The following SLCO5A1 variants were observed in gnomAD, a reference collection of about 807,000 sequenced individuals.
SLCO5A1 encodes the protein organic anion transporter polypeptide-related protein 4.
SLCO5A1 carries 39 observed loss-of-function variants against 65.1 expected under a neutral mutation model. The observed-to-expected ratio is 0.60, with a 90% CI of 0.46 to 0.78. The LOEUF (loss-of-function observed/expected upper bound fraction) is 0.78. Among genes scored for constraint, SLCO5A1 ranks in the 30% least tolerant of loss-of-function variants. The pLI, the probability that SLCO5A1 is intolerant of heterozygous loss-of-function variation, is 0.00. For missense variants in SLCO5A1, 1,029 were observed against 1,069.4 expected, an observed-to-expected ratio of 0.96 and a Z score of 0.53; for synonymous variants, 438 against 415.7, an observed-to-expected ratio of 1.05 and a Z score of -0.65.
intron 2 of SLCO5A1, among the ~76,000 whole-genome samples, chr8:69,829,224 T>G (rs974110772): frequency 7.9e-5 from 12 of 152,188 alleles, no homozygotes; most frequent in African/African-American, 2.9e-4. Flanking sequence ...AAAAATGTTT[T>G]GTCTGAATTT....
At chr8:69,736,192 C>T (rs1018481528) in intron 5 of SLCO5A1, among the ~76,000 whole-genome samples, 15 of 152,242 alleles carry the variant, frequency 9.9e-5, no homozygotes, top group African/African-American at 3.4e-4. Context: ...CTGCACTTTC[C>T]TGGCCAAGTG....
At chr8:69,779,550 A>C (rs1231995355) in intron 2 of SLCO5A1, among the ~76,000 whole-genome samples, 1 of 152,150 alleles carries the variant, frequency 6.6e-6, no homozygotes. Context: ...TTTAATGACT[A>C]CCTTTCAGAA....
At chr8:69,788,900 C>A (rs1819146807) in intron 2 of SLCO5A1, among the ~76,000 whole-genome samples, 1 of 152,134 alleles carries the variant, frequency 6.6e-6, no homozygotes, top group Non-Finnish European at 1.5e-5. Context: ...AGGTTGAGTT[C>A]CTTCAGAAGC....
intron 6 of SLCO5A1, among the ~76,000 whole-genome samples, chr8:69,699,842 G>C (rs1814649607): frequency 6.6e-6 from 1 of 152,226 alleles, no homozygotes; most frequent in African/African-American, 2.4e-5. Flanking sequence ...TGATAGGCTG[G>C]GTGAGGTGGC....
At chr8:69,780,409 A>G (rs150383073) in intron 2 of SLCO5A1, among the ~76,000 whole-genome samples, 6 of 152,342 alleles carry the variant, frequency 3.9e-5, no homozygotes, top group African/African-American at 1.4e-4. Flanking sequence ...ACCAAAGTGC[A>G]TATCAATGGA....
rs777225774 is a variant in SLCO5A1, at chr8:69,832,031, G to T, written c.643C>A (p.Pro215Thr). ...IAFGAALFALPHFISPPYQIQ... is the reference protein window; with the variant it reads ...IAFGAALFALTHFISPPYQIQ... Reference sequence around the variant, plus strand: ...TGGTAGGGGGGCGAGATGAAGTGAGGTAAGGCGAAGAGGGCTGCCCCGAAG... The same window carrying T: ...TGGTAGGGGGGCGAGATGAAGTGAGTTAAGGCGAAGAGGGCTGCCCCGAAG... The change falls in exon 2 of 10, where the codon CCT (proline) becomes ACT (threonine). Residue 215 changes from proline (P) to threonine (T), a missense_variant. Pro to Thr is a conservative substitution (Grantham distance 38, BLOSUM62 -1). This residue lies in a region of SLCO5A1 where 647 missense variants were observed against 647.5 expected (regional missense o/e 1.00). Transcript: ENST00000260126. This position sits in a 1 kb window ranked among gnomAD's most constrained non-coding sequence, Gnocchi z 4.5. 7 of 1,608,894 alleles carry T rather than the reference G, an allele frequency of 4.4e-6. No homozygotes were observed. The highest frequency in any genetic ancestry group is 5.1e-6 in the Non-Finnish European group (6 of 1,177,876).
chr8:69,826,500 C>T (rs1450302403), intron 2 of SLCO5A1, among the ~76,000 whole-genome samples: 2 of 152,160 alleles, frequency 1.3e-5, no homozygotes, highest in Non-Finnish European at 2.9e-5. Context: ...CAAAAGAAGA[C>T]ATTTATGCAG....
chr8:69,677,508 A>G (rs1266506274), intron 8 of SLCO5A1, among the ~76,000 whole-genome samples: 1 of 152,244 alleles, frequency 6.6e-6, no homozygotes, highest in Non-Finnish European at 1.5e-5. Context: ...TCTCCATCAC[A>G]TACCCATGAG....
chr8:69,797,415 GA>G (rs34604662), intron 2 of SLCO5A1, among the ~76,000 whole-genome samples: 3 of 152,154 alleles, frequency 2.0e-5, no homozygotes, highest in African/African-American at 7.2e-5. Flanking sequence ...TGGGCACCTT[GA>G]AAAAAGAAAA....
intron 2 of SLCO5A1, among the ~76,000 whole-genome samples, chr8:69,807,992 C>T (rs553145926): frequency 3.3e-5 from 5 of 152,232 alleles, no homozygotes; most frequent in South Asian, 2.1e-4. Context: ...CTTGAGCCAC[C>T]GCGCCCAGCT....
rs138465921 is a variant in SLCO5A1 at position 69,726,563 on chromosome 8, G to T, written c.1423+11477C>A. Among the ~76,000 whole-genome samples the T allele has an allele frequency of 2.7e-5, 4 of 149,224 alleles. 1 individual carries two copies. The East Asian group carries it at 5.9e-4, about 22-fold the overall frequency. On this transcript the variant is annotated intron_variant, in intron 5 of 9. Coordinates refer to ENST00000260126, the MANE Select transcript of SLCO5A1 (RefSeq NM_030958.3). ...TGCCCAGGCTGGAGTGCAGTGGTGC[G>T]ATCTCGGCTCACTGCAACCTCTGTC...
At chr8:69,824,878 A>G (rs1360583918) in intron 2 of SLCO5A1, among the ~76,000 whole-genome samples, 1 of 152,248 alleles carries the variant, frequency 6.6e-6, no homozygotes, top group African/African-American at 2.4e-5. Flanking sequence ...AAAATCCTCA[A>G]TAAAATACTG....
chr8:69,735,483 G>T (rs544291666), intron 5 of SLCO5A1, among the ~76,000 whole-genome samples: 2 of 152,338 alleles, frequency 1.3e-5, no homozygotes, highest in African/African-American at 4.8e-5. Flanking sequence ...GGAATTCTAT[G>T]CAGCCATAAA....
At chr8:69,705,773 G>A (rs921910568) in intron 5 of SLCO5A1, among the ~76,000 whole-genome samples, 7 of 152,206 alleles carry the variant, frequency 4.6e-5, no homozygotes, top group African/African-American at 1.7e-4. Context: ...TCACGTTTGT[G>A]AAAATTGTAA....
chr8:69,705,167 AT>A lies in SLCO5A1; in HGVS notation c.1485del (p.Lys495AsnfsTer2). The A allele has an allele frequency of 1.9e-6, 3 of 1,614,144 alleles. No homozygotes were observed. The highest frequency in any genetic ancestry group is 2.2e-5 in the South Asian group (2 of 91,082). ...GIVLGGYIIK[K>X]LKLGARESAK... Reference sequence around the variant, plus strand: ...GCAGATTCTCTGGCACCAAGTTTCAATTTTTTTATAATGTAGCCTCCGAGGA... The same window carrying A: ...GCAGATTCTCTGGCACCAAGTTTCAATTTTTTATAATGTAGCCTCCGAGGA... On this transcript the variant is annotated frameshift_variant, in exon 6 of 10. Coordinates refer to ENST00000260126, the MANE Select transcript of SLCO5A1 (RefSeq NM_030958.3). LOFTEE classifies it high-confidence loss of function.
intron 1 of SLCO5A1, chr8:69,833,641 G>A (rs1821280928): frequency 6.6e-6 from 1 of 152,234 alleles, no homozygotes; most frequent in Admixed American, 6.5e-5. Context: ...AAGAAGGTGG[G>A]GGTAAACTAC....
chr8:69,764,131 G>A lies in SLCO5A1; in HGVS notation c.908-2256C>T, dbSNP rs184890033. 4.5e-4 allele frequency among the ~76,000 whole-genome samples: 68 copies of A among 152,286 alleles called. No individual in the cohort carries two copies. The East Asian group carries it at 0.013, about 28-fold the overall frequency. ...ACCCACTTCGGCCTCCCAAAGTGCTGAGATTACAGACGTGAGTCACCACAC... is the reference window on the plus strand; with the variant it reads ...ACCCACTTCGGCCTCCCAAAGTGCTAAGATTACAGACGTGAGTCACCACAC... On this transcript the variant is annotated intron_variant, in intron 2 of 9. Transcript: ENST00000260126.
chr8:69,822,256 A>G (rs1820676248), intron 2 of SLCO5A1, among the ~76,000 whole-genome samples: 1 of 152,262 alleles, frequency 6.6e-6, no homozygotes, highest in Admixed American at 6.5e-5. Flanking sequence ...GTAGACCCAC[A>G]GTGGTGAAAT....
At chr8:69,812,621 G>A (rs1820254280) in intron 2 of SLCO5A1, among the ~76,000 whole-genome samples, 1 of 152,210 alleles carries the variant, frequency 6.6e-6, no homozygotes, top group Non-Finnish European at 1.5e-5. Context: ...TAAAAGGAAA[G>A]AAAGTGTGTA....
Sources: gnomAD v4.1 joint callset for allele counts (sites outside exome capture counted in the v4.1 genomes callset) on GRCh38, gnomAD v4.1.1 for gene constraint, gnomAD v4.1.1 regional missense constraint, Gnocchi (gnomAD v3.1) non-coding constraint, MANE v1.5 for transcripts, NCBI Gene and HGNC (gene_info 2026-07-23, HGNC 2026-07-21) for gene names.